Variants in SFMBT2 observed in about 807,000 individuals in gnomAD.
SFMBT2 encodes the protein scm-like with four MBT domains protein 2.
A neutral mutation model predicts 110.1 loss-of-function variants in SFMBT2; 38 were observed. The observed-to-expected ratio is 0.35, with a 90% CI of 0.27 to 0.45. The LOEUF (loss-of-function observed/expected upper bound fraction) is 0.45. SFMBT2 is among the 20% of genes least tolerant of loss of function. The pLI is 1.00. For missense variants in SFMBT2, 1,011 were observed against 1,094.9 expected (o/e 0.92, Z 1.08); for synonymous variants, 425 against 425.4 (o/e 1.00, Z 0.01).
At chr10:7,368,362 G>T (rs762641003) in intron 3 of SFMBT2, 2 of 985,384 alleles carry the variant, frequency 2.0e-6, no homozygotes, top group South Asian at 4.7e-5. Flanking sequence ...TTAATTAAGG[G>T]TGATAGTCTG....
chr10:7,259,111 G>A (rs569400159), intron 7 of SFMBT2, among the ~76,000 whole-genome samples: 4 of 152,246 alleles, frequency 2.6e-5, no homozygotes, highest in Admixed American at 2.0e-4. Context: ...TAACTCAACT[G>A]CTGTCATGGA....
intron 9 of SFMBT2, among the ~76,000 whole-genome samples, chr10:7,242,034 A>C (rs1840446256): frequency 6.6e-6 from 1 of 152,196 alleles, no homozygotes; most frequent in African/African-American, 2.4e-5. Context: ...CATTCCCCAC[A>C]CATACTTCCA....
intron 1 of SFMBT2, among the ~76,000 whole-genome samples, chr10:7,396,908 G>A (rs2245391): frequency 0.019 from 1,959 of 102,178 alleles, 62 homozygotes; most frequent in African/African-American, 0.071. Context: ...GGGGTGGGGG[G>A]ATGGGGGGAG....
chr10:7,277,040 G>T, intron 6 of SFMBT2, 51 bp from the exon 7 acceptor site: 1 of 822,956 alleles, frequency 1.2e-6, no homozygotes. Context: ...ACGTTCTGCC[G>T]GGTGACTCTT....
chr10:7,385,972 C>T (rs1046193519), intron 1 of SFMBT2, among the ~76,000 whole-genome samples: 46 of 152,130 alleles, frequency 3.0e-4, no homozygotes, highest in African/African-American at 1.1e-3. Flanking sequence ...TGCACTCCAG[C>T]CTGGGGGAGA....
intron 20 of SFMBT2, among the ~76,000 whole-genome samples, chr10:7,169,147 G>A (rs1837793723): frequency 6.6e-6 from 1 of 151,286 alleles, no homozygotes; most frequent in African/African-American, 2.4e-5. Flanking sequence ...TTTTTCTTCA[G>A]TAGAGACAGG....
intron 16 of SFMBT2, among the ~76,000 whole-genome samples, chr10:7,177,806 T>G (rs1588769173): frequency 6.6e-6 from 1 of 151,594 alleles, no homozygotes; most frequent in East Asian, 1.9e-4. Flanking sequence ...TGCAATAAGC[T>G]ATGATTGTAC....
At position 7,350,851 on chromosome 10, in the gene SFMBT2, A is replaced by G. The variant is rs530258050; in HGVS notation, c.436+16798T>C. On this transcript the variant is annotated intron_variant, in intron 4 of 20. Transcript: ENST00000397167. ...AAAGAAATTTACAACTTTTTGGAGG[A>G]TTGAGTGCCATAAATCAATTATTCT... Among the ~76,000 whole-genome samples the G allele has an allele frequency of 9.2e-5, 14 of 152,282 alleles. No homozygotes were observed. The South Asian group carries it at 2.9e-3, about 32-fold the overall frequency.
chr10:7,179,293 T>A (rs1485555424), intron 16 of SFMBT2, among the ~76,000 whole-genome samples: 1 of 149,194 alleles, frequency 6.7e-6, no homozygotes, highest in African/African-American at 2.5e-5. Context: ...GGCCCTCCAT[T>A]GACCCTATGT....
chr10:7,332,954 C>T (rs1588456552), intron 4 of SFMBT2, among the ~76,000 whole-genome samples: 1 of 151,756 alleles, frequency 6.6e-6, no homozygotes, highest in South Asian at 2.1e-4. Context: ...GCAACCTCCG[C>T]CTCCTGGGTT....
intron 4 of SFMBT2, among the ~76,000 whole-genome samples, chr10:7,311,230 C>G (rs17425907): frequency 0.014 from 2,198 of 152,004 alleles, 23 homozygotes; most frequent in Non-Finnish European, 0.024. Context: ...CCCAGTCTAT[C>G]GAGCACCTGA....
At chr10:7,287,587 C>G (rs953762575) in intron 4 of SFMBT2, among the ~76,000 whole-genome samples, 1 of 152,160 alleles carries the variant, frequency 6.6e-6, no homozygotes, top group Non-Finnish European at 1.5e-5. Flanking sequence ...GCATAAATGA[C>G]AGCAAGACCC....
At chr10:7,209,977 C>T (rs1319925950) in intron 11 of SFMBT2, among the ~76,000 whole-genome samples, 2 of 152,170 alleles carry the variant, frequency 1.3e-5, no homozygotes, top group African/African-American at 2.4e-5. Flanking sequence ...GGCCAATTAC[C>T]ATGAAGGAAA....
chr10:7,223,735 T>C (rs1457256822), intron 10 of SFMBT2, among the ~76,000 whole-genome samples: 1 of 152,238 alleles, frequency 6.6e-6, no homozygotes, highest in Non-Finnish European at 1.5e-5. Flanking sequence ...ATATTTTCCT[T>C]TATATCTACA....
At position 7,335,341 on chromosome 10, in the gene SFMBT2, C is replaced by T. The variant is rs977061532; in HGVS notation, c.436+32308G>A. ...TTAAAATCCAAACAAAAACCATGAC[C>T]CAACTTCTTACAATCCAACTATATC... On this transcript the variant is annotated intron_variant, in intron 4 of 20. Coordinates refer to ENST00000397167, the MANE Select transcript of SFMBT2 (RefSeq NM_001387889.1). Among the ~76,000 whole-genome samples, 79 of 152,204 alleles carry T rather than the reference C, an allele frequency of 5.2e-4. 2 individuals carry two copies. The highest frequency in any genetic ancestry group is 1.8e-3 in the African/African-American group (74 of 41,518).
intron 1 of SFMBT2, among the ~76,000 whole-genome samples, chr10:7,383,515 G>A (rs953067618): frequency 1.3e-5 from 2 of 152,188 alleles, no homozygotes; most frequent in African/African-American, 2.4e-5. Flanking sequence ...TGTATTTAAC[G>A]TACTATACCA....
At chr10:7,320,707 T>C in intron 4 of SFMBT2, 2 of 736,096 alleles carry the variant, frequency 2.7e-6, no homozygotes, top group Non-Finnish European at 3.3e-6. Flanking sequence ...GAGTCTAACC[T>C]CAGTGTTTTG....
chr10:7,229,543 C>T (rs1290479872), intron 9 of SFMBT2, among the ~76,000 whole-genome samples: 28 of 143,692 alleles, frequency 1.9e-4, no homozygotes, highest in Non-Finnish European at 3.6e-4. Flanking sequence ...TGCAGTGAGC[C>T]GAGATCTCCC....
At chr10:7,409,876 C>T (rs143633363) in intron 1 of SFMBT2, among the ~76,000 whole-genome samples, 1 of 152,040 alleles carries the variant, frequency 6.6e-6, no homozygotes, top group African/African-American at 2.4e-5. Context: ...CAAGAAAACA[C>T]GAGTACGGAT....
Sources: gnomAD v4.1 joint callset for allele counts (sites outside exome capture counted in the v4.1 genomes callset) on GRCh38, gnomAD v4.1.1 for gene constraint, MANE v1.5 for transcripts, NCBI Gene and HGNC (gene_info 2026-07-23, HGNC 2026-07-21) for gene names.